The following BTBD9 variants were observed in gnomAD, a reference collection of about 807,000 sequenced individuals.
BTBD9 encodes the protein BTB domain containing 9.
Under a neutral mutation model 64.3 loss-of-function variants are expected in BTBD9, and 49 were observed. The ratio of observed to expected loss-of-function variants is 0.76; its 90% CI spans 0.61 to 0.97. The LOEUF is 0.97. Ranked by LOEUF, BTBD9 falls within the 50% of genes least tolerant of loss-of-function variation. The pLI is 0.00. For synonymous variants in BTBD9, 260 were observed against 274.7 expected (o/e 0.95, Z 0.53); for missense variants, 598 against 762.1 (o/e 0.78, Z 2.53).
intron 8 of BTBD9, among the ~76,000 whole-genome samples, chr6:38,268,692 G>A (rs1178198158): frequency 6.6e-6 from 1 of 152,130 alleles, no homozygotes; most frequent in Non-Finnish European, 1.5e-5. Context: ...TTCAACCTTT[G>A]CTCCAGCTTT....
Position 38,526,672 on chromosome 6 carries a change from T to C in BTBD9, c.1154+50928A>G, listed in dbSNP as rs116077322. ...GTCAGCATGCCCCAGATGAGAGACA[T>C]GCAGCTAAATATCATTTCAGAGCTT... On this transcript the variant is annotated intron_variant, in intron 6 of 10. Transcript: ENST00000481247. Among the ~76,000 whole-genome samples the C allele has an allele frequency of 8.5e-3, 1,300 of 152,314 alleles. 16 individuals carry two copies. The highest frequency in any genetic ancestry group is 0.028 in the African/African-American group (1,149 of 41,572).
In BTBD9 at chr6:38,374,297, G is replaced by GCACACA. The variant is rs1562095321; in HGVS notation, c.1155-29205_1155-29204insTGTGTG. Among the ~76,000 whole-genome samples the GCACACA allele has an allele frequency of 7.4e-5, 4 of 53,724 alleles. 1 individual carries two copies. Among genetic ancestry groups the GCACACA allele is most frequent in the African/African-American group, 3.5e-4 (4 of 11,290 alleles). The allele number at this position is 53,724 out of a possible 152,430, so 35.2% of individuals were successfully genotyped here. On this transcript the variant is annotated intron_variant, in intron 6 of 10. Transcript: ENST00000481247. ...AAAAAAAAAAAGTATATATATATATGTATATATATGTATATATATATATAT... is the reference window on the plus strand; with the variant it reads ...AAAAAAAAAAAGTATATATATATATGCACACATATATATATGTATATATATATATAT...
intron 1 of BTBD9, among the ~76,000 whole-genome samples, chr6:38,638,816 T>C (rs1268963154): frequency 1.3e-5 from 2 of 152,214 alleles, no homozygotes; most frequent in Non-Finnish European, 2.9e-5. Flanking sequence ...AAAGACTGGC[T>C]TCTTCCCTGT....
At chr6:38,530,054 G>T (rs1387653105) in intron 6 of BTBD9, among the ~76,000 whole-genome samples, 1 of 152,094 alleles carries the variant, frequency 6.6e-6, no homozygotes, top group African/African-American at 2.4e-5. Context: ...ATGCATTCCT[G>T]GGGAGAGGTC....
intron 9 of BTBD9, among the ~76,000 whole-genome samples, chr6:38,207,914 G>A (rs1762712467): frequency 6.6e-6 from 1 of 152,064 alleles, no homozygotes; most frequent in Admixed American, 6.6e-5. Flanking sequence ...GCAGAGGACT[G>A]CTGCTTTTTG....
chr6:38,198,995 T>C (rs1171594928), intron 9 of BTBD9, among the ~76,000 whole-genome samples: 1 of 151,976 alleles, frequency 6.6e-6, no homozygotes, highest in South Asian at 2.1e-4. Flanking sequence ...AAGGTGGAGG[T>C]GTGCAGGGGG....
chr6:38,497,461 C>T (rs1466697050), intron 6 of BTBD9, among the ~76,000 whole-genome samples: 5 of 152,134 alleles, frequency 3.3e-5, no homozygotes, highest in Non-Finnish European at 7.3e-5. Flanking sequence ...GTTTCCTAAC[C>T]ATAGCATTAG....
chr6:38,448,575 T>G (rs990401166), intron 6 of BTBD9, among the ~76,000 whole-genome samples: 3 of 152,156 alleles, frequency 2.0e-5, no homozygotes, highest in African/African-American at 4.8e-5. Flanking sequence ...TGGAGTACAG[T>G]GGTGCAATCT....
chr6:38,390,342 C>T (rs936457384), intron 6 of BTBD9, among the ~76,000 whole-genome samples: 11 of 152,148 alleles, frequency 7.2e-5, no homozygotes, highest in Admixed American at 6.5e-4. Context: ...ACCTTGGCCT[C>T]CCAAAGTGCT....
chr6:38,386,159 C>T (rs900314312), intron 6 of BTBD9, among the ~76,000 whole-genome samples: 2 of 152,168 alleles, frequency 1.3e-5, no homozygotes, highest in South Asian at 2.1e-4. Context: ...TAACCCTAAA[C>T]GAAAATCCTT....
intron 7 of BTBD9, among the ~76,000 whole-genome samples, chr6:38,322,469 A>G (rs1763275818): frequency 6.6e-6 from 1 of 152,226 alleles, no homozygotes; most frequent in African/African-American, 2.4e-5. Flanking sequence ...GGAAAATTAT[A>G]CCTCCAGCAT....
At chr6:38,257,066 T>C (rs1764613649) in intron 8 of BTBD9, among the ~76,000 whole-genome samples, 1 of 146,418 alleles carries the variant, frequency 6.8e-6, no homozygotes, top group South Asian at 2.2e-4. Context: ...CACACTTCTT[T>C]TTTTTTTTTT....
chr6:38,460,394 TAAC>T (rs926814958), intron 6 of BTBD9, among the ~76,000 whole-genome samples: 4 of 152,232 alleles, frequency 2.6e-5, no homozygotes, highest in African/African-American at 7.2e-5. Context: ...TTGTGGTTAG[TAAC>T]AACATTAGTC....
intron 9 of BTBD9, among the ~76,000 whole-genome samples, chr6:38,210,389 G>A (rs1434595416): frequency 6.6e-6 from 1 of 152,054 alleles, no homozygotes; most frequent in Non-Finnish European, 1.5e-5. Context: ...ACAGACTCTG[G>A]GGCCAAGTGC....
At chr6:38,340,937 C>G (rs1410114164) in intron 7 of BTBD9, among the ~76,000 whole-genome samples, 1 of 152,174 alleles carries the variant, frequency 6.6e-6, no homozygotes, top group African/African-American at 2.4e-5. Flanking sequence ...AAGGCTCTAT[C>G]TAACTACCAA....
intron 1 of BTBD9, among the ~76,000 whole-genome samples, chr6:38,633,039 A>G (rs1253672776): frequency 1.3e-5 from 2 of 152,234 alleles, no homozygotes; most frequent in Non-Finnish European, 2.9e-5. Flanking sequence ...GCACGTCTTC[A>G]TAGGAGAATC....
At chr6:38,539,342 TTAAGTA>T (rs1284484763) in intron 6 of BTBD9, among the ~76,000 whole-genome samples, 1 of 152,238 alleles carries the variant, frequency 6.6e-6, no homozygotes, top group African/African-American at 2.4e-5. Context: ...TTCAGTTTTA[TTAAGTA>T]TATTTATTCC....
At chr6:38,598,881 C>T (rs985269854) in intron 1 of BTBD9, among the ~76,000 whole-genome samples, 1 of 152,118 alleles carries the variant, frequency 6.6e-6, no homozygotes, top group Admixed American at 6.5e-5. Flanking sequence ...GGCGCCATTG[C>T]ACTCCAGCCT....
At chr6:38,430,700 A>ACTAC (rs2127294844) in intron 6 of BTBD9, among the ~76,000 whole-genome samples, 1 of 151,762 alleles carries the variant, frequency 6.6e-6, no homozygotes, top group Non-Finnish European at 1.5e-5. Context: ...ATTGTTGTAG[A>ACTAC]GACAGGGTCT....
Sources: gnomAD v4.1 joint callset for allele counts (sites outside exome capture counted in the v4.1 genomes callset) on GRCh38, gnomAD v4.1.1 for gene constraint, MANE v1.5 for transcripts, NCBI Gene and HGNC (gene_info 2026-07-23, HGNC 2026-07-21) for gene names.